PTPRM: variants seen among roughly 807,000 people sequenced by gnomAD.
PTPRM encodes receptor-type tyrosine-protein phosphatase mu.
In PTPRM, 47 loss-of-function variants were observed where a neutral mutation model predicts 186.7. That is an observed-to-expected ratio of 0.25 (90% CI 0.20 to 0.32). The LOEUF is 0.32. Ranked by LOEUF, PTPRM falls within the 10% of genes least tolerant of loss-of-function variation. The pLI is 1.00. For missense variants in PTPRM, 1,494 were observed against 1,865.0 expected (o/e 0.80, Z 3.66); for synonymous variants, 668 against 674.9 (o/e 0.99, Z 0.16).
Position 8,387,316 on chromosome 18 carries a change from T to C in PTPRM, c.4208+81T>C, listed in dbSNP as rs2095782111. ...CACCTCCTAGTTCTCTGACTTTTGT[T>C]TCACTAGAAATGGAGAAGAAATAAG... On this transcript the variant is annotated intron_variant, in intron 31 of 32. Transcript: ENST00000580170. 5.7e-6 allele frequency: 8 copies of C among 1,398,544 alleles called. No homozygotes were observed. In the South Asian group the frequency reaches 9.4e-5, roughly 16 times the overall value. The allele number at this position is 1,398,544 out of a possible 1,614,324, so 86.6% of individuals were successfully genotyped here. A position where few individuals can be genotyped will look rare whatever the true frequency, so the allele number is the denominator to read the frequency against.
Position 8,069,699 on chromosome 18 carries a change from C to A in PTPRM, c.1146C>A (p.Gly382=). Residue 382 remains glycine (G), a synonymous_variant, in exon 8 of 33, where the codon GGC becomes GGA. Transcript: ENST00000580170. ...TTTTCTAAATAGATCCCATGCGAGGCCCAAGAAAACTAGAAGTAGTGGAGG... is the reference window on the plus strand; with the variant it reads ...TTTTCTAAATAGATCCCATGCGAGGACCAAGAAAACTAGAAGTAGTGGAGG... The part of the protein sequence containing the change: ...TRTKCADPMR[G]PRKLEVVEVK... 1 of 1,612,044 alleles carries A rather than the reference C, an allele frequency of 6.2e-7. No homozygotes were observed. Among genetic ancestry groups the A allele is most frequent in the South Asian group, 1.1e-5 (1 of 90,998 alleles).
chr18:8,363,161 T>G (rs908977226), intron 23 of PTPRM, among the ~76,000 whole-genome samples: 1 of 152,208 alleles, frequency 6.6e-6, no homozygotes, highest in African/African-American at 2.4e-5. Context: ...GCAGCCACAG[T>G]GTTGGTCCCT....
At chr18:8,027,744 C>G (rs1382347692) in intron 7 of PTPRM, among the ~76,000 whole-genome samples, 1 of 152,120 alleles carries the variant, frequency 6.6e-6, no homozygotes, top group East Asian at 1.9e-4. Flanking sequence ...AAGTGAAAAA[C>G]TATCAATTTA....
chr18:8,132,743 C>T (rs1433580327), intron 13 of PTPRM, among the ~76,000 whole-genome samples: 1 of 152,094 alleles, frequency 6.6e-6, no homozygotes, highest in African/African-American at 2.4e-5. Context: ...CTGATATGTA[C>T]CTAGTTAACG....
At chr18:7,639,271 C>T (rs1354533300) in intron 1 of PTPRM, among the ~76,000 whole-genome samples, 5 of 152,128 alleles carry the variant, frequency 3.3e-5, no homozygotes, top group South Asian at 2.1e-4. Context: ...GGGGTTTCAC[C>T]GTGTTAGCCA....
chr18:7,984,602 T>TATATATATATACAC (rs1214502563), intron 7 of PTPRM, among the ~76,000 whole-genome samples: 7 of 87,170 alleles, frequency 8.0e-5, no homozygotes, highest in African/African-American at 3.4e-4. Flanking sequence ...TATATATATA[T>TATATATATATACAC]ACACACACAC....
chr18:7,751,028 G>A (rs2144618790), intron 1 of PTPRM: 1 of 147,082 alleles, frequency 6.8e-6, no homozygotes, highest in Non-Finnish European at 1.5e-5. Context: ...ACCCCAGTGA[G>A]ATGCACACAT....
chr18:8,367,693 C>T (rs2095640484), intron 23 of PTPRM, among the ~76,000 whole-genome samples: 1 of 152,232 alleles, frequency 6.6e-6, no homozygotes, highest in African/African-American at 2.4e-5. Flanking sequence ...AACCAGAGCT[C>T]GCTCCAGGGA....
Position 8,240,342 on chromosome 18 carries a change from A to G in PTPRM, c.2301-3716A>G, listed in dbSNP as rs566690399. 9.9e-5 allele frequency among the ~76,000 whole-genome samples: 15 copies of G among 151,558 alleles called. No individual in the cohort carries two copies. The East Asian group carries it at 2.9e-3, about 30-fold the overall frequency. ...GAAAGGCTACTGGGGAGGCTGAGGT[A>G]GGAGAATGGCGTGAACTCAGGAGGC... On this transcript the variant is annotated intron_variant, in intron 14 of 32. Transcript: ENST00000580170.
chr18:8,041,629 G>A (rs1054613201), intron 7 of PTPRM, among the ~76,000 whole-genome samples: 3 of 152,184 alleles, frequency 2.0e-5, no homozygotes, highest in Non-Finnish European at 4.4e-5. Flanking sequence ...TCCACTTGTG[G>A]TTGGGATTCA....
intron 19 of PTPRM, among the ~76,000 whole-genome samples, chr18:8,265,950 G>A (rs1362983410): frequency 6.6e-6 from 1 of 152,100 alleles, no homozygotes; most frequent in African/African-American, 2.4e-5. Flanking sequence ...CTGGCTGTTG[G>A]AGATCTGTGT....
At chr18:8,308,843 C>G (rs776070185) in intron 20 of PTPRM, among the ~76,000 whole-genome samples, 5 of 152,198 alleles carry the variant, frequency 3.3e-5, no homozygotes, top group Admixed American at 6.5e-5. Flanking sequence ...TCCTTTGTTA[C>G]TCCAGCCACA....
At chr18:8,207,448 T>C (rs887951221) in intron 14 of PTPRM, among the ~76,000 whole-genome samples, 2 of 152,206 alleles carry the variant, frequency 1.3e-5, no homozygotes, top group Admixed American at 1.3e-4. Flanking sequence ...ACTACCTACG[T>C]TTCCAATAAT....
intron 3 of PTPRM, among the ~76,000 whole-genome samples, chr18:7,898,142 T>G (rs1194424928): frequency 6.6e-6 from 1 of 152,224 alleles, no homozygotes; most frequent in Non-Finnish European, 1.5e-5. Flanking sequence ...TAAAGAAACT[T>G]TACTGTATAT....
In PTPRM at chr18:7,603,001, C is replaced by T. The variant is rs552060659; in HGVS notation, c.73+35110C>T. Among the ~76,000 whole-genome samples, 295 of 151,232 alleles carry T rather than the reference C, an allele frequency of 2.0e-3. 1 individual carries two copies. Among genetic ancestry groups the T allele is most frequent in the African/African-American group, 2.2e-3 (90 of 41,200 alleles). ...GGAGTGCAGTGTTGTGATCTCGGCT[C>T]GCTACAAGCTCCACCTCCTGGGTTC... On this transcript the variant is annotated intron_variant, in intron 1 of 32. Coordinates refer to ENST00000580170, the MANE Select transcript of PTPRM (RefSeq NM_001105244.2).
chr18:7,972,444 T>A (rs1481245863), intron 7 of PTPRM, among the ~76,000 whole-genome samples: 2 of 16,498 alleles, frequency 1.2e-4, no homozygotes, highest in Non-Finnish European at 2.3e-4. Flanking sequence ...ACATGTACCC[T>A]AAAACTTAAA....
intron 8 of PTPRM, 61 bp from the exon 9 acceptor site, chr18:8,076,394 G>GA (rs1311532406): frequency 2.0e-6 from 2 of 1,017,542 alleles, no homozygotes; most frequent in African/African-American, 3.3e-5. Context: ...ACCAAGTCTA[G>GA]AAAAATCTAC....
chr18:8,033,435 G>T (rs985949174), intron 7 of PTPRM, among the ~76,000 whole-genome samples: 1 of 152,132 alleles, frequency 6.6e-6, no homozygotes. Flanking sequence ...TTTCATGGTT[G>T]TGCAAACATC....
rs563186590 is a variant in PTPRM at position 7,739,443 on chromosome 18, C to T, written c.74-34706C>T. ...AAGTCATTAGCATGACAACATAAAG[C>T]GAGAAATGTGCATTAAAATGATGTA... is the stretch of plus-strand genomic sequence containing the variant. On this transcript the variant is annotated intron_variant, in intron 1 of 32. Transcript: ENST00000580170. Among the ~76,000 whole-genome samples, 223 of 152,240 alleles carry T rather than the reference C, an allele frequency of 1.5e-3. 1 individual carries two copies. In the Middle Eastern group the frequency reaches 0.02, roughly 14 times the overall value.
Sources: gnomAD v4.1 joint callset for allele counts (sites outside exome capture counted in the v4.1 genomes callset) on GRCh38, gnomAD v4.1.1 for gene constraint, MANE v1.5 for transcripts, NCBI Gene and HGNC (gene_info 2026-07-23, HGNC 2026-07-21) for gene names.